CORO7: variants seen among roughly 807,000 people sequenced by gnomAD.
The protein encoded by CORO7 is coronin 7.
Under a neutral mutation model 126.6 loss-of-function variants are expected in CORO7, and 107 were observed. The ratio of observed to expected loss-of-function variants is 0.85; its 90% CI spans 0.72 to 0.99. CORO7 has a LOEUF of 0.99. Among genes scored for constraint, CORO7 ranks in the 50% least tolerant of loss-of-function variants. The pLI is 0.00. For synonymous variants in CORO7, 603 were observed against 536.8 expected, an observed-to-expected ratio of 1.12 and a Z score of -1.70; for missense variants, 1,314 against 1,255.8, an observed-to-expected ratio of 1.05 and a Z score of -0.70.
intron 9 of CORO7, among the ~76,000 whole-genome samples, chr16:4,376,507 C>G (rs912677805): frequency 2.6e-5 from 4 of 152,158 alleles, no homozygotes; most frequent in Admixed American, 2.0e-4. Context: ...ATCTGTCTGT[C>G]CAAGCCTGTC....
chr16:4,405,552 C>G lies in CORO7; in HGVS notation c.503G>C (p.Gly168Ala), dbSNP rs34983953. 4.8e-4 allele frequency: 782 copies of G among 1,612,822 alleles called. 2 individuals are homozygous for G. In the African/African-American group the frequency reaches 8.8e-3, roughly 18 times the overall value. ...CCAGACGGCGCTCTGCACCAGGTCC[C>G]CATGGGCTGCCAGCTCTGCAGAGAA... Reference protein sequence around the residue: ...QQPLTELAAHGDLVQSAVWSR... With the variant: ...QQPLTELAAHADLVQSAVWSR... Residue 168 changes from glycine (G) to alanine (A), a missense_variant, in exon 6 of 28, where the codon GGG (glycine) becomes GCG (alanine). Physicochemically the swap from Gly to Ala is moderately conservative, Grantham distance 60. Coordinates refer to ENST00000251166, the MANE Select transcript of CORO7 (RefSeq NM_024535.5).
intron 10 of CORO7, 53 bp downstream of exon 10, chr16:4,365,438 G>C: frequency 6.4e-7 from 1 of 1,550,648 alleles, no homozygotes; most frequent in Non-Finnish European, 8.7e-7. Context: ...GGGAAGGCCA[G>C]GGGCTGGACT....
intron 6 of CORO7, among the ~76,000 whole-genome samples, chr16:4,403,582 G>T (rs1195638902): frequency 6.6e-6 from 1 of 152,234 alleles, no homozygotes; most frequent in East Asian, 1.9e-4. Flanking sequence ...CACATCCACT[G>T]GGGAAGCAGC....
intron 9 of CORO7, among the ~76,000 whole-genome samples, chr16:4,376,662 C>T (rs2054742486): frequency 6.6e-6 from 1 of 152,138 alleles, no homozygotes; most frequent in Non-Finnish European, 1.5e-5. Context: ...GTGTGGTGTA[C>T]CCCAGAGGTG....
At position 4,413,314 on chromosome 16, in the gene CORO7, G is replaced by A. The variant is rs200926240; in HGVS notation, c.151C>T (p.Arg51Cys). ...ACTCATGGCCATTCCCTACCAGGAC[G>A]GTCGGAGTTGAAGGCGATCAAGCTG... Reference protein sequence around the residue: ...SCSLIAFNSDRPGVLGIVPLQ... With the variant: ...SCSLIAFNSDCPGVLGIVPLQ... Residue 51 changes from arginine (R) to cysteine (C), a missense_variant, in exon 2 of 28, where the codon CGT (arginine) becomes TGT (cysteine). Arg to Cys is a radical substitution (Grantham distance 180, BLOSUM62 -3). Coordinates refer to ENST00000251166, the MANE Select transcript of CORO7 (RefSeq NM_024535.5). The A allele has an allele frequency of 2.8e-4, 443 of 1,577,702 alleles. 1 individual carries two copies. Among genetic ancestry groups the A allele is most frequent in the East Asian group, 8.3e-4 (36 of 43,544 alleles).
At chr16:4,356,868 G>A in intron 26 of CORO7, 5 of 444,822 alleles carry the variant, frequency 1.1e-5, no homozygotes, top group Non-Finnish European at 2.0e-5. Flanking sequence ...TACTATCTCT[G>A]CACATGGCCT....
chr16:4,359,247 A>G, intron 23 of CORO7, 49 bp downstream of exon 23: 1 of 1,528,930 alleles, frequency 6.5e-7, no homozygotes, highest in Non-Finnish European at 8.8e-7. Flanking sequence ...ACCAGGGGGC[A>G]GGGCAGCCTT....
chr16:4,384,176 G>A (rs2055108912), intron 9 of CORO7, among the ~76,000 whole-genome samples: 1 of 152,242 alleles, frequency 6.6e-6, no homozygotes, highest in Non-Finnish European at 1.5e-5. Context: ...CAAGCTGGGG[G>A]ACAGGAACAA....
At chr16:4,357,713 C>T in intron 25 of CORO7, 1 of 551,298 alleles carries the variant, frequency 1.8e-6, no homozygotes, top group South Asian at 3.3e-5. Context: ...TCAATGGAGC[C>T]TCACTGTATA....
intron 9 of CORO7, among the ~76,000 whole-genome samples, chr16:4,386,294 G>A (rs1385748693): frequency 1.3e-5 from 2 of 152,218 alleles, no homozygotes; most frequent in African/African-American, 4.8e-5. Flanking sequence ...CGTGAGGTCT[G>A]GGCATCATTA....
chr16:4,355,711 C>T (rs890065425), intron 26 of CORO7: 10 of 242,298 alleles, frequency 4.1e-5, no homozygotes, highest in South Asian at 6.7e-5. Context: ...CCTCGTGATC[C>T]GCCCGCCTCG....
At chr16:4,382,053 G>A (rs541520542) in intron 9 of CORO7, 17 of 1,586,304 alleles carry the variant, frequency 1.1e-5, no homozygotes, top group East Asian at 4.6e-5. Flanking sequence ...CCCCCAGCCC[G>A]CCCTCCACTG....
rs201950762 is a variant in CORO7, at chr16:4,355,249, C to T, written c.2772+37G>A. On this transcript the variant is annotated intron_variant, in intron 27 of 27. Transcript: ENST00000251166. ...GCACCGTGGCATGTGCGAGGGACCG[C>T]GCTGCCTGCCGGGAAGTGAGGCCAC... 2.6e-3 allele frequency: 4,197 copies of T among 1,610,862 alleles called. 122 individuals carry two copies. In the South Asian group the frequency reaches 0.044, roughly 17 times the overall value.
At chr16:4,388,158 GC>G in intron 8 of CORO7, 90 bp from the exon 9 acceptor site, 1 of 1,496,200 alleles carries the variant, frequency 6.7e-7, no homozygotes, top group Non-Finnish European at 9.1e-7. Flanking sequence ...TGAGGGTGCA[GC>G]CTGACACGGG....
chr16:4,354,829 G>A lies in CORO7; in HGVS notation c.*329C>T, dbSNP rs1027172935. On this transcript the variant is annotated 3_prime_UTR_variant, in exon 28 of 28. Coordinates refer to ENST00000251166, the MANE Select transcript of CORO7 (RefSeq NM_024535.5). ...CCTGGATGAGGCCAATCCAGGCTGG[G>A]ACCAGCCCAGGTCAGCAGTGAGACC... 2.2e-5 allele frequency: 8 copies of A among 371,646 alleles called. No individual in the cohort carries two copies. Among genetic ancestry groups the A allele is most frequent in the African/African-American group, 1.4e-4 (7 of 48,290 alleles). The allele number at this position is 371,646 out of a possible 1,614,324, so 23.0% of individuals were successfully genotyped here. A position where few individuals can be genotyped will look rare whatever the true frequency, so the allele number is the denominator to read the frequency against.
chr16:4,405,384 G>T, intron 6 of CORO7, 107 bp downstream of exon 6: 1 of 1,291,618 alleles, frequency 7.7e-7, no homozygotes, highest in South Asian at 1.5e-5. Context: ...CCTGACCTCA[G>T]TGCTCCACTG....
intron 6 of CORO7, among the ~76,000 whole-genome samples, chr16:4,397,015 C>CAAAA (rs1236918347): frequency 2.6e-4 from 31 of 119,456 alleles, no homozygotes; most frequent in East Asian, 6.9e-4. Context: ...GACTCAATCT[C>CAAAA]AAAAAAAAAA....
intron 1 of CORO7, chr16:4,414,438 C>T (rs1315943230): frequency 6.6e-6 from 1 of 152,264 alleles, no homozygotes; most frequent in Non-Finnish European, 1.5e-5. Flanking sequence ...CTCAGCACTC[C>T]TTCCTGCCCT....
chr16:4,405,578 GCAGTCACAGT>G lies in CORO7; in HGVS notation c.488-21_488-12del, dbSNP rs2055968271. ...CATGGGCTGCCAGCTCTGCAGAGAA[GCAGTCACAGT>G]CAGGTCCCGGGCAGTGAGGGCACCA... On this transcript the variant is annotated splice_polypyrimidine_tract_variant and intron_variant, in intron 5 of 27. Transcript: ENST00000251166. 6.2e-7 allele frequency: 1 copy of G among 1,611,820 alleles called. No individual in the cohort carries two copies. The highest frequency in any genetic ancestry group is 1.1e-5 in the South Asian group (1 of 91,036).
Sources: allele counts gnomAD v4.1 joint callset (sites outside exome capture counted in the v4.1 genomes callset), GRCh38; gene constraint gnomAD v4.1.1; transcripts MANE v1.5; gene names NCBI Gene and HGNC (gene_info 2026-07-23, HGNC 2026-07-21).